Variants in ABL2 observed in about 807,000 individuals in gnomAD.
The protein encoded by ABL2 is tyrosine-protein kinase ABL2.
A neutral mutation model predicts 107.7 loss-of-function variants in ABL2; 49 were observed. That is an observed-to-expected ratio of 0.45 (90% confidence interval 0.36 to 0.58). The LOEUF (loss-of-function observed/expected upper bound fraction) is 0.58. Ranked by LOEUF, ABL2 falls within the 20% of genes least tolerant of loss-of-function variation. ABL2 has a pLI of 0.00. For missense variants in ABL2, 1,245 were observed against 1,457.0 expected, an observed-to-expected ratio of 0.85 and a Z score of 2.37; for synonymous variants, 549 against 548.6, an observed-to-expected ratio of 1.00 and a Z score of -0.01.
At chr1:179,211,644 C>G (rs963147207) in intron 1 of ABL2, among the ~76,000 whole-genome samples, 1 of 151,844 alleles carries the variant, frequency 6.6e-6, no homozygotes, top group Non-Finnish European at 1.5e-5. Context: ...TGCCTGTAAT[C>G]CTAGCATTTT....
chr1:179,191,294 A>AGATG (rs1314936708), intron 1 of ABL2, among the ~76,000 whole-genome samples: 1 of 152,142 alleles, frequency 6.6e-6, no homozygotes, highest in African/African-American at 2.4e-5. Context: ...ATAAGGTAAT[A>AGATG]GATGATTGCA....
At chr1:179,192,999 CGTT>C (rs767402689) in intron 1 of ABL2, among the ~76,000 whole-genome samples, 21 of 152,194 alleles carry the variant, frequency 1.4e-4, no homozygotes, top group South Asian at 1.0e-3. Flanking sequence ...TTATCTTCTG[CGTT>C]GTTGTCTATA....
chr1:179,212,789 A>T (rs1216778143), intron 1 of ABL2, among the ~76,000 whole-genome samples: 1 of 143,686 alleles, frequency 7.0e-6, no homozygotes, highest in African/African-American at 2.6e-5. Flanking sequence ...GCTCATGCCT[A>T]TAATCCCAGC....
chr1:179,202,437 G>T (rs1228325850), intron 1 of ABL2, among the ~76,000 whole-genome samples: 3 of 152,120 alleles, frequency 2.0e-5, no homozygotes, highest in African/African-American at 4.8e-5. Context: ...ATAGTTAACA[G>T]TATCTTAGAC....
rs1018060705 is a variant in ABL2, at chr1:179,117,520, T to C, written c.1224-4A>G. On this transcript the variant is annotated splice_region_variant and splice_polypyrimidine_tract_variant and intron_variant, in intron 7 of 11. Coordinates refer to ENST00000502732, the MANE Select transcript of ABL2 (RefSeq NM_007314.4). ...GCAGTTACGAGCTGCAAGATCTCTG[T>C]GGGAAAGAGAACCCTAATGTGATTC... 2.5e-6 allele frequency: 4 copies of C among 1,613,896 alleles called. No homozygotes were observed. The highest frequency in any genetic ancestry group is 3.4e-6 in the Non-Finnish European group (4 of 1,179,986).
chr1:179,216,651 G>C (rs1662577184), intron 1 of ABL2, among the ~76,000 whole-genome samples: 1 of 151,892 alleles, frequency 6.6e-6, no homozygotes, highest in Admixed American at 6.6e-5. Context: ...TATCACCTGG[G>C]GGAAAAGGTC....
intron 1 of ABL2, among the ~76,000 whole-genome samples, chr1:179,228,272 G>A (rs748359044): frequency 4.0e-5 from 6 of 151,892 alleles, no homozygotes; most frequent in East Asian, 1.9e-4. Context: ...ACTTGAACCC[G>A]GGAGGCAGAG....
intron 1 of ABL2, among the ~76,000 whole-genome samples, chr1:179,227,325 T>TGATC (rs1475754993): frequency 6.6e-6 from 1 of 152,226 alleles, no homozygotes; most frequent in African/African-American, 2.4e-5. Flanking sequence ...TTTTGCTCTA[T>TGATC]GATCTTTTTC....
intron 1 of ABL2, among the ~76,000 whole-genome samples, chr1:179,203,526 C>T (rs766087825): frequency 6.6e-6 from 1 of 151,526 alleles, no homozygotes; most frequent in Non-Finnish European, 1.5e-5. Flanking sequence ...TCAAAGTAAA[C>T]AGTCTTTTTT....
chr1:179,107,618 G>A lies in ABL2; in HGVS notation c.*100C>T, dbSNP rs1572597249. On this transcript the variant is annotated 3_prime_UTR_variant, in exon 12 of 12. Coordinates refer to ENST00000502732, the MANE Select transcript of ABL2 (RefSeq NM_007314.4). ...AGGTACTTCACATAAACACACTCAA[G>A]TATGAGTCTTTCATTTTCTGAAAAC... 1.3e-6 allele frequency: 2 copies of A among 1,512,588 alleles called. No homozygotes were observed. Among genetic ancestry groups the A allele is most frequent in the Non-Finnish European group, 8.8e-7 (1 of 1,133,686 alleles). The allele number at this position is 1,512,588 out of a possible 1,614,324, so 93.7% of individuals were successfully genotyped here.
chr1:179,199,277 T>C (rs1661514855), intron 1 of ABL2, among the ~76,000 whole-genome samples: 1 of 152,172 alleles, frequency 6.6e-6, no homozygotes, highest in African/African-American at 2.4e-5. Flanking sequence ...ATGGAAACAG[T>C]TTCTATGCCT....
intron 1 of ABL2, chr1:179,142,937 T>C (rs1477150596): frequency 1.2e-6 from 2 of 1,613,936 alleles, no homozygotes; most frequent in Non-Finnish European, 1.7e-6. Context: ...CCATACCTGT[T>C]AAGTCGGGTA....
Position 179,115,037 on chromosome 1 carries a change from A to T in ABL2, c.1409-7T>A, listed in dbSNP as rs772340470. ...CACAACAATACCCCAAAAGCTGCATAAGGAATTAAAAAAAGCACTTAGTGT... is the reference window on the plus strand; with the variant it reads ...CACAACAATACCCCAAAAGCTGCATTAGGAATTAAAAAAAGCACTTAGTGT... On this transcript the variant is annotated splice_region_variant and splice_polypyrimidine_tract_variant and intron_variant, in intron 8 of 11. Coordinates refer to ENST00000502732, the MANE Select transcript of ABL2 (RefSeq NM_007314.4). The T allele has an allele frequency of 2.5e-6, 4 of 1,580,112 alleles. No individual in the cohort carries two copies. Among genetic ancestry groups the T allele is most frequent in the Non-Finnish European group, 3.4e-6 (4 of 1,166,716 alleles).
In ABL2 at chr1:179,105,063, T is replaced by C. The variant is rs576826458; in HGVS notation, c.*2655A>G. ...CCCCTGAAGTTACATAGTTCAAGCATCATGTGGACGGGGTATGCTCCAATA... is the reference window on the plus strand; with the variant it reads ...CCCCTGAAGTTACATAGTTCAAGCACCATGTGGACGGGGTATGCTCCAATA... On this transcript the variant is annotated 3_prime_UTR_variant, in exon 12 of 12. Coordinates refer to ENST00000502732, the MANE Select transcript of ABL2 (RefSeq NM_007314.4). The C allele has an allele frequency of 4.3e-6, 1 of 230,050 alleles. No individual in the cohort carries two copies. Among genetic ancestry groups the C allele is most frequent in the African/African-American group, 2.2e-5 (1 of 45,268 alleles). 14.3% of individuals were successfully genotyped at this position (230,050 alleles called of 1,614,324 possible).
chr1:179,199,040 G>A (rs1021765367), intron 1 of ABL2, among the ~76,000 whole-genome samples: 2 of 151,754 alleles, frequency 1.3e-5, no homozygotes, highest in South Asian at 2.1e-4. Context: ...TGGGGGTTTC[G>A]CCATGTTGGC....
Position 179,107,793 on chromosome 1 carries a change from A to T in ABL2, c.3474T>A (p.Gly1158=), listed in dbSNP as rs772856299. The T allele has an allele frequency of 1.2e-6, 2 of 1,614,234 alleles. No homozygotes were observed. The highest frequency in any genetic ancestry group is 1.7e-6 in the Non-Finnish European group (2 of 1,180,046). ...QELQVSSAAA[G]VPGTNPVLNN... ...TAAGGACAGGGTTTGTCCCGGGCAC[A>T]CCAGCAGCTGCTGAAGAAACCTGTA... is the stretch of plus-strand genomic sequence containing the variant. Residue 1158 remains glycine (G), a synonymous_variant, in exon 12 of 12, where the codon GGT becomes GGA. Coordinates refer to ENST00000502732, the MANE Select transcript of ABL2 (RefSeq NM_007314.4).
chr1:179,182,916 G>T (rs1660460813), intron 1 of ABL2, among the ~76,000 whole-genome samples: 1 of 152,070 alleles, frequency 6.6e-6, no homozygotes, highest in Non-Finnish European at 1.5e-5. Flanking sequence ...AATATTTTAG[G>T]ATATCAGCAT....
At chr1:179,169,928 C>G (rs182041912) in intron 1 of ABL2, among the ~76,000 whole-genome samples, 2 of 152,118 alleles carry the variant, frequency 1.3e-5, no homozygotes, top group African/African-American at 4.8e-5. Flanking sequence ...ACTCGGGAGG[C>G]TGAAGTGGCA....
intron 1 of ABL2, among the ~76,000 whole-genome samples, chr1:179,192,273 C>T (rs1484693183): frequency 6.6e-6 from 1 of 152,080 alleles, no homozygotes; most frequent in African/African-American, 2.4e-5. Context: ...TACTCATATC[C>T]CACCACTCTC....
Sources: allele counts gnomAD v4.1 joint callset (sites outside exome capture counted in the v4.1 genomes callset), GRCh38; gene constraint gnomAD v4.1.1; transcripts MANE v1.5; gene names NCBI Gene and HGNC (gene_info 2026-07-23, HGNC 2026-07-21).